Variants in C10orf90 observed in about 807,000 individuals in gnomAD.
C10orf90 encodes (E2-independent) E3 ubiquitin-conjugating enzyme FATS.
A neutral mutation model predicts 62.5 loss-of-function variants in C10orf90; 56 were observed. The ratio of observed to expected loss-of-function variants is 0.90; its 90% CI spans 0.72 to 1.12. The LOEUF (loss-of-function observed/expected upper bound fraction) is 1.12, where lower values mean the gene tolerates loss of function less well. C10orf90 is among the 50% of genes most tolerant of loss of function. C10orf90 has a pLI of 0.00. For missense variants in C10orf90, 970 were observed against 880.4 expected, an observed-to-expected ratio of 1.10 and a Z score of -1.29; for synonymous variants, 386 against 340.4, an observed-to-expected ratio of 1.13 and a Z score of -1.47.
chr10:126,464,586 G>A, intron 5 of C10orf90, 110 bp downstream of exon 5: 1 of 1,190,976 alleles, frequency 8.4e-7, no homozygotes, highest in Admixed American at 2.2e-5. Context: ...GAGAAGGGGA[G>A]GTTTCATCAG....
At chr10:126,563,817 G>T (rs541726605) in intron 2 of C10orf90, among the ~76,000 whole-genome samples, 4 of 152,176 alleles carry the variant, frequency 2.6e-5, no homozygotes, top group Non-Finnish European at 4.4e-5. Flanking sequence ...AACCAACACC[G>T]ACCGAGGATC....
chr10:126,525,772 A>G (rs1039278588), intron 2 of C10orf90, among the ~76,000 whole-genome samples: 2 of 151,866 alleles, frequency 1.3e-5, no homozygotes, highest in African/African-American at 4.9e-5. Flanking sequence ...CCAACGGCTT[A>G]TCAGCAAAGC....
At chr10:126,635,347 C>T (rs1845928686) in intron 2 of C10orf90, among the ~76,000 whole-genome samples, 1 of 152,158 alleles carries the variant, frequency 6.6e-6, no homozygotes, top group Non-Finnish European at 1.5e-5. Flanking sequence ...CTTCTCCATT[C>T]AAGGCATGGG....
At chr10:126,521,299 C>A in intron 2 of C10orf90, 1 of 1,613,988 alleles carries the variant, frequency 6.2e-7, no homozygotes, top group Non-Finnish European at 8.5e-7. Flanking sequence ...TAGAACATAC[C>A]TTCTCCAGAC....
intron 1 of C10orf90, among the ~76,000 whole-genome samples, chr10:126,656,276 T>C (rs971031234): frequency 2.0e-5 from 3 of 152,140 alleles, no homozygotes; most frequent in Non-Finnish European, 4.4e-5. Flanking sequence ...ACATCAATAA[T>C]AATGTGATCA....
intron 2 of C10orf90, among the ~76,000 whole-genome samples, chr10:126,568,872 G>A (rs1425812109): frequency 6.6e-6 from 1 of 152,140 alleles, no homozygotes; most frequent in Non-Finnish European, 1.5e-5. Context: ...AGGAGGTTAG[G>A]GCATGAGGAT....
intron 2 of C10orf90, among the ~76,000 whole-genome samples, chr10:126,523,176 C>T (rs1863823235): frequency 6.6e-6 from 1 of 152,192 alleles, no homozygotes; most frequent in Non-Finnish European, 1.5e-5. Flanking sequence ...GAGTGTGAAG[C>T]ACAGTCTTCT....
chr10:126,594,757 C>T lies in C10orf90; in HGVS notation c.313+51808G>A, dbSNP rs74158841. Among the ~76,000 whole-genome samples the T allele has an allele frequency of 3.3e-3, 497 of 152,124 alleles. 3 individuals are homozygous for T. The highest frequency in any genetic ancestry group is 0.012 in the African/African-American group (483 of 41,490). ...GAGCATTCCAGGCAAAGGGATCAGCCAGGGCAGAGGTCCTGAGACAGGAAG... is the reference window on the plus strand; with the variant it reads ...GAGCATTCCAGGCAAAGGGATCAGCTAGGGCAGAGGTCCTGAGACAGGAAG... On this transcript the variant is annotated intron_variant, in intron 2 of 9. Transcript: ENST00000488181.
chr10:126,433,304 T>G (rs1010737249), intron 7 of C10orf90, among the ~76,000 whole-genome samples: 3 of 152,072 alleles, frequency 2.0e-5, no homozygotes, highest in African/African-American at 7.2e-5. Flanking sequence ...AATAAGGCCT[T>G]TAGATGCCAA....
At chr10:126,546,971 A>G (rs1176226657) in intron 2 of C10orf90, among the ~76,000 whole-genome samples, 1 of 152,158 alleles carries the variant, frequency 6.6e-6, no homozygotes, top group African/African-American at 2.4e-5. Flanking sequence ...CTAATACTAC[A>G]AAAAATTAGG....
chr10:126,489,141 A>G (rs1355204465), intron 4 of C10orf90, among the ~76,000 whole-genome samples: 2 of 152,212 alleles, frequency 1.3e-5, no homozygotes, highest in African/African-American at 2.4e-5. Flanking sequence ...ATTAGCAAAT[A>G]GAATCCGGCA....
intron 2 of C10orf90, among the ~76,000 whole-genome samples, chr10:126,582,095 C>A (rs1844764610): frequency 6.6e-6 from 1 of 152,216 alleles, no homozygotes; most frequent in South Asian, 2.1e-4. Flanking sequence ...GGTCACCCTG[C>A]AGCTGCTGTG....
chr10:126,502,073 ACACACACACACCACACAAC>A (rs1306005491), intron 4 of C10orf90, among the ~76,000 whole-genome samples: 3 of 147,722 alleles, frequency 2.0e-5, no homozygotes, highest in East Asian at 2.0e-4. Flanking sequence ...CACACACACC[ACACACACACACCACACAAC>A]CACACACACA....
intron 2 of C10orf90, among the ~76,000 whole-genome samples, chr10:126,567,717 A>G (rs532259656): frequency 1.3e-5 from 2 of 152,238 alleles, no homozygotes; most frequent in East Asian, 1.9e-4. Flanking sequence ...CAAGGTGGGG[A>G]CACAGAGGTG....
At position 126,526,099 on chromosome 10, in the gene C10orf90, A is replaced by C. The variant is rs180928718; in HGVS notation, c.314-12160T>G. On this transcript the variant is annotated intron_variant, in intron 2 of 9. Transcript: ENST00000488181. The stretch of plus-strand genomic sequence containing the variant: ...GGCAAAGAGGGGCAGGGCTCTCCAG[A>C]GAGGCCCCAGCTAGGAAGTCACAAA... 8.5e-4 allele frequency among the ~76,000 whole-genome samples: 129 copies of C among 151,708 alleles called. 1 individual carries two copies. Among genetic ancestry groups the C allele is most frequent in the African/African-American group, 3.0e-3 (123 of 41,320 alleles).
chr10:126,664,838 C>T (rs1259396559), intron 1 of C10orf90, among the ~76,000 whole-genome samples: 3 of 152,218 alleles, frequency 2.0e-5, no homozygotes, highest in Non-Finnish European at 4.4e-5. Context: ...ACCTCTAACT[C>T]CTCACACCTC....
intron 1 of C10orf90, among the ~76,000 whole-genome samples, chr10:126,665,048 C>T (rs1345024827): frequency 1.3e-5 from 2 of 152,152 alleles, no homozygotes; most frequent in Non-Finnish European, 2.9e-5. Flanking sequence ...TAGGAGGAGC[C>T]CCAGCACCCA....
chr10:126,653,479 A>C (rs1318626305), intron 1 of C10orf90, among the ~76,000 whole-genome samples: 1 of 152,222 alleles, frequency 6.6e-6, no homozygotes, highest in African/African-American at 2.4e-5. Context: ...GTGACTTCTC[A>C]TCCATTAAAG....
intron 2 of C10orf90, among the ~76,000 whole-genome samples, chr10:126,544,845 TG>T (rs200306069): frequency 4.7e-4 from 9 of 19,030 alleles, no homozygotes; most frequent in East Asian, 2.8e-3. Flanking sequence ...CCAAAAGTGG[TG>T]GGGAGGACTT....
Sources: gnomAD v4.1 joint callset for allele counts (sites outside exome capture counted in the v4.1 genomes callset) on GRCh38, gnomAD v4.1.1 for gene constraint, MANE v1.5 for transcripts, NCBI Gene and HGNC (gene_info 2026-07-23, HGNC 2026-07-21) for gene names.